The following USP54 variants were observed in gnomAD, a reference collection of about 807,000 sequenced individuals.
USP54 encodes ubiquitin carboxyl-terminal hydrolase 54.
A neutral mutation model predicts 170.5 loss-of-function variants in USP54; 87 were observed. The observed-to-expected ratio is 0.51, with a 90% CI of 0.43 to 0.61. The LOEUF is 0.61. USP54 is among the 20% of genes least tolerant of loss of function. The probability of loss-of-function intolerance (pLI) is 0.00; values close to 1 mark genes in which losing one functional copy is unlikely to be tolerated. For synonymous variants in USP54, 655 were observed against 742.8 expected (o/e 0.88, Z 1.92); for missense variants, 1,786 against 2,047.8 (o/e 0.87, Z 2.47).
At chr10:73,616,105 G>A (rs1187617860) in intron 1 of USP54, among the ~76,000 whole-genome samples, 2 of 149,890 alleles carry the variant, frequency 1.3e-5, no homozygotes, top group African/African-American at 5.1e-5. Flanking sequence ...TTGGGAGGCC[G>A]AGGTGGGCAG....
chr10:73,499,316 G>A, intron 23 of USP54, 128 bp from the exon 24 acceptor site: 1 of 937,618 alleles, frequency 1.1e-6, no homozygotes, highest in Non-Finnish European at 1.6e-6. Context: ...GGGAAAGAAT[G>A]AATCAAGCTG....
chr10:73,608,279 A>C (rs1428580049), intron 1 of USP54, among the ~76,000 whole-genome samples: 1 of 152,132 alleles, frequency 6.6e-6, no homozygotes, highest in Non-Finnish European at 1.5e-5. Flanking sequence ...AAAAACAAAA[A>C]AAAACAGTTA....
Position 73,498,570 on chromosome 10 carries a change from G to A in USP54, c.*59C>T, listed in dbSNP as rs1432453454. ...ATTACAGGTGTGAGCCACCGCGCCC[G>A]GCCCACAGTACAGTTTTACAAAGAA... is the stretch of plus-strand genomic sequence containing the variant. On this transcript the variant is annotated 3_prime_UTR_variant, in exon 24 of 24. Coordinates refer to ENST00000687698, the MANE Select transcript of USP54 (RefSeq NM_001391956.1). The A allele has an allele frequency of 1.8e-5, 27 of 1,472,446 alleles. No homozygotes were observed. Among genetic ancestry groups the A allele is most frequent in the Non-Finnish European group, 2.3e-5 (26 of 1,106,932 alleles). 91.2% of individuals were successfully genotyped at this position (1,472,446 alleles called of 1,614,324 possible).
Position 73,519,869 on chromosome 10 carries a change from T to A in USP54, c.2606A>T (p.Gln869Leu). 6.2e-7 allele frequency: 1 copy of A among 1,614,170 alleles called. No individual in the cohort carries two copies. The highest frequency in any genetic ancestry group is 8.5e-7 in the Non-Finnish European group (1 of 1,180,024). Residue 869 changes from glutamine (Q) to leucine (L), a missense_variant, in exon 19 of 24, where the codon CAA (glutamine) becomes CTA (leucine). Gln to Leu is a moderately radical substitution (Grantham distance 113). Around this residue, in one of 3 missense-constraint regions of USP54, gnomAD observed 1,418 missense variants for 1,569.0 expected, o/e 0.90. Transcript: ENST00000687698. ...GGGCTGCGACGGCTGCTGTGGTGAT[T>A]GCTGCTGCTGCATGCGATCCTGCAG... is the stretch of plus-strand genomic sequence containing the variant. The part of the protein sequence containing the change: ...RSLQDRMQQQ[Q>L]SPQQPSQPSA...
chr10:73,510,618 T>C (rs1042368487), intron 20 of USP54, among the ~76,000 whole-genome samples: 3 of 151,870 alleles, frequency 2.0e-5, no homozygotes, highest in African/African-American at 7.3e-5. Context: ...CAGCTAATTT[T>C]TTGTATTTTC....
chr10:73,525,154 T>G (rs748002205), intron 16 of USP54, among the ~76,000 whole-genome samples: 2 of 152,202 alleles, frequency 1.3e-5, no homozygotes, highest in Non-Finnish European at 2.9e-5. Flanking sequence ...CATAAACTTA[T>G]CTATGTACTT....
At chr10:73,592,950 A>G (rs2078396244), upstream of USP54, among the ~76,000 whole-genome samples, 1 of 152,262 alleles carries the variant, frequency 6.6e-6, no homozygotes, top group South Asian at 2.1e-4. Context: ...AAGACTGCAC[A>G]AGAGGTTCTG....
intron 19 of USP54, chr10:73,518,244 T>C (rs1401466771): frequency 1.0e-6 from 1 of 985,230 alleles, no homozygotes; most frequent in Non-Finnish European, 1.2e-6. Context: ...ATTTACAAAA[T>C]ACAGGGTGAT....
rs756536040 is a variant in USP54 at position 73,517,668 on chromosome 10, T to C, written c.2758A>G (p.Ser920Gly). The change falls in exon 20 of 24, where the codon AGT becomes GGT. Residue 920 changes from serine to glycine, a missense_variant. Ser to Gly is a moderately conservative substitution (Grantham distance 56). Transcript: ENST00000687698. ...ESGMDTEFGA[S>G]SFFHSPASCH... is the part of the protein sequence containing the mutation. ...GAAGCAGGTGAATGGAAGAAAGAAC[T>C]GGCCCCAAACTCTGTATCCATGCCG... 2 of 1,614,208 alleles carry C rather than the reference T, an allele frequency of 1.2e-6. No individual in the cohort carries two copies. The highest frequency in any genetic ancestry group is 2.2e-5 in the South Asian group (2 of 91,078).
intron 4 of USP54, 41 bp downstream of exon 4, chr10:73,571,380 C>A: frequency 6.5e-7 from 1 of 1,532,814 alleles, no homozygotes; most frequent in Non-Finnish European, 9.0e-7. Flanking sequence ...ACCATTTGGC[C>A]ACCCAATGGT....
intron 1 of USP54, chr10:73,624,399 G>A (rs191164986): frequency 7.6e-6 from 1 of 131,730 alleles, no homozygotes; most frequent in South Asian, 2.8e-4. Flanking sequence ...GGGGGGGGGG[G>A]GTTTCACCAT....
chr10:73,500,862 A>T (rs1207698700), intron 22 of USP54, 24 bp from the exon 23 acceptor site: 5 of 1,586,038 alleles, frequency 3.2e-6, no homozygotes, highest in Non-Finnish European at 4.3e-6. Flanking sequence ...AAGACAAAAA[A>T]ACATAGAGAT....
chr10:73,523,857 A>G (rs1041810432), intron 16 of USP54, 107 bp from the exon 17 acceptor site: 8 of 662,758 alleles, frequency 1.2e-5, no homozygotes, highest in African/African-American at 1.1e-4. Context: ...CTTGCTTTCA[A>G]TTTGGAGTTT....
chr10:73,564,815 C>A (rs1159420690), intron 4 of USP54, among the ~76,000 whole-genome samples: 1 of 150,548 alleles, frequency 6.6e-6, no homozygotes, highest in African/African-American at 2.5e-5. Context: ...CTCATGCCAG[C>A]ACCTTGAGAG....
At position 73,497,869 on chromosome 10, in the gene USP54, G is replaced by A. The variant is rs2057337195; in HGVS notation, c.*760C>T. On this transcript the variant is annotated 3_prime_UTR_variant, in exon 24 of 24. Coordinates refer to ENST00000687698, the MANE Select transcript of USP54 (RefSeq NM_001391956.1). ...GGGCTACATGTCCCCCCAAGGATGG[G>A]AGACAGGGAAGACAAAGGGTCAGGT... 1 of 152,328 alleles carries A rather than the reference G, an allele frequency of 6.6e-6. No individual in the cohort carries two copies. The highest frequency in any genetic ancestry group is 2.4e-5 in the African/African-American group (1 of 41,458). 9.4% of individuals were successfully genotyped at this position (152,328 alleles called of 1,614,324 possible).
chr10:73,510,683 A>C (rs1589875913), intron 20 of USP54, among the ~76,000 whole-genome samples: 3 of 152,198 alleles, frequency 2.0e-5, no homozygotes, highest in East Asian at 3.9e-4. Context: ...TCCTGACCTC[A>C]AGTGATCCAT....
intron 10 of USP54, among the ~76,000 whole-genome samples, chr10:73,539,047 G>A (rs1255147057): frequency 6.6e-6 from 1 of 152,028 alleles, no homozygotes; most frequent in Non-Finnish European, 1.5e-5. Flanking sequence ...TTGGGAGGCT[G>A]AGGTAGGCGG....
intron 1 of USP54, among the ~76,000 whole-genome samples, chr10:73,579,387 T>G (rs2076569679): frequency 6.6e-6 from 1 of 152,062 alleles, no homozygotes; most frequent in South Asian, 2.1e-4. Flanking sequence ...TAAAAGAAAA[T>G]ATTTGCAAGT....
chr10:73,546,343 T>G (rs1000619347), intron 4 of USP54, among the ~76,000 whole-genome samples: 4 of 152,214 alleles, frequency 2.6e-5, no homozygotes, highest in African/African-American at 7.2e-5. Flanking sequence ...TTTTGTTTTT[T>G]TGTGTGTGTT....
Sources: gnomAD v4.1 joint callset for allele counts (sites outside exome capture counted in the v4.1 genomes callset) on GRCh38, gnomAD v4.1.1 for gene constraint, gnomAD v4.1.1 regional missense constraint, MANE v1.5 for transcripts, NCBI Gene and HGNC (gene_info 2026-07-23, HGNC 2026-07-21) for gene names.